Variants in LARP4B observed in about 807,000 individuals in gnomAD.
LARP4B encodes la-related protein 4B.
LARP4B carries 12 observed loss-of-function variants against 89.8 expected under a neutral mutation model. The observed-to-expected ratio is 0.13, with a 90% CI of 0.09 to 0.22. The LOEUF (loss-of-function observed/expected upper bound fraction) is 0.22. LARP4B is among the 10% of genes least tolerant of loss of function. The pLI is 1.00. For missense variants in LARP4B, 757 were observed against 947.7 expected, an observed-to-expected ratio of 0.80 and a Z score of 2.64; for synonymous variants, 367 against 363.3, an observed-to-expected ratio of 1.01 and a Z score of -0.12.
chr10:855,685 T>A (rs188965127), intron 5 of LARP4B, among the ~76,000 whole-genome samples: 2 of 152,222 alleles, frequency 1.3e-5, no homozygotes, highest in Admixed American at 1.3e-4. Context: ...ATTATGAAAA[T>A]GTGACACAGA....
At chr10:849,020 C>T (rs1008253590) in intron 5 of LARP4B, among the ~76,000 whole-genome samples, 8 of 152,150 alleles carry the variant, frequency 5.3e-5, no homozygotes, top group South Asian at 2.1e-4. Context: ...ACGAGAGAAA[C>T]GGCGGCAGAC....
intron 1 of LARP4B, among the ~76,000 whole-genome samples, chr10:902,608 T>C (rs1355096577): frequency 6.6e-6 from 1 of 152,128 alleles, no homozygotes; most frequent in East Asian, 1.9e-4. Flanking sequence ...TCACTTCATT[T>C]AACCTCAAGT....
upstream of LARP4B, among the ~76,000 whole-genome samples, chr10:933,450 C>A (rs968165477): frequency 6.6e-6 from 1 of 152,116 alleles, no homozygotes; most frequent in East Asian, 1.9e-4. Context: ...GCTGACAATT[C>A]TGCATTTTGG....
At chr10:825,000 T>C (rs1832548040) in intron 13 of LARP4B, 65 bp downstream of exon 13, 3 of 1,426,622 alleles carry the variant, frequency 2.1e-6, no homozygotes, top group South Asian at 1.5e-5. Context: ...ACAAAACATA[T>C]CTAAATTAAA....
chr10:900,664 G>A (rs1303043350), intron 1 of LARP4B, among the ~76,000 whole-genome samples: 1 of 143,710 alleles, frequency 7.0e-6, no homozygotes, highest in African/African-American at 2.6e-5. Context: ...CTGTTGCCCA[G>A]GCTGGAGTGC....
the LARP4B span, among the ~76,000 whole-genome samples, chr10:949,037 C>T: frequency 6.6e-6 from 1 of 152,214 alleles, no homozygotes; most frequent in Non-Finnish European, 1.5e-5. Context: ...TTGCCAGGTC[C>T]GACAGTGGTT....
At chr10:913,235 G>T (rs1239683441) in intron 1 of LARP4B, among the ~76,000 whole-genome samples, 2 of 152,150 alleles carry the variant, frequency 1.3e-5, no homozygotes, top group African/African-American at 4.8e-5. Flanking sequence ...TCTAAAGGAG[G>T]GGGGGAATTA....
rs936035798 is a variant in LARP4B, at chr10:814,937, A to C, written c.1820+9T>G. ...AACACCAAGGCGCTGGAAGAACACC[A>C]ATACTCACTCGGGTAAATGAGCTGG... On this transcript the variant is annotated intron_variant, in intron 16 of 17. Transcript: ENST00000316157. This position sits in a 1 kb window ranked among gnomAD's most constrained non-coding sequence, Gnocchi z 4.4. 19 of 1,587,174 alleles carry C rather than the reference A, an allele frequency of 1.2e-5. No individual in the cohort carries two copies. The highest frequency in any genetic ancestry group is 1.6e-5 in the Non-Finnish European group (19 of 1,163,362).
the LARP4B span, among the ~76,000 whole-genome samples, chr10:963,936 C>A: frequency 1.3e-5 from 2 of 152,140 alleles, no homozygotes; most frequent in African/African-American, 4.8e-5. Flanking sequence ...AAGTTTCCAA[C>A]ATGTATTTTT....
chr10:847,350 G>C (rs1469654479), intron 5 of LARP4B, among the ~76,000 whole-genome samples: 1 of 152,046 alleles, frequency 6.6e-6, no homozygotes, highest in Non-Finnish European at 1.5e-5. Flanking sequence ...TGGGCACATG[G>C]TGTTGGTAAG....
At chr10:842,144 T>C (rs1833549706) in intron 7 of LARP4B, among the ~76,000 whole-genome samples, 1 of 152,152 alleles carries the variant, frequency 6.6e-6, no homozygotes, top group Non-Finnish European at 1.5e-5. Context: ...CACTTAATGC[T>C]TAAACACTGT....
chr10:904,293 C>T (rs1836426776), intron 1 of LARP4B, among the ~76,000 whole-genome samples: 3 of 152,182 alleles, frequency 2.0e-5, no homozygotes, highest in Admixed American at 6.5e-5. Flanking sequence ...GTGGCTCACA[C>T]CTGTAATCCC....
At position 818,961 on chromosome 10, in the gene LARP4B, T is replaced by C. The variant is rs185869515; in HGVS notation, c.1531-1072A>G. The C allele has an allele frequency of 2.6e-5, 4 of 152,348 alleles. No individual in the cohort carries two copies. The East Asian group carries it at 7.7e-4, about 29-fold the overall frequency. The allele number at this position is 152,348 out of a possible 1,614,324, so 9.4% of individuals were successfully genotyped here. On this transcript the variant is annotated intron_variant, in intron 14 of 17. Coordinates refer to ENST00000316157, the MANE Select transcript of LARP4B (RefSeq NM_015155.3). ...CAGGCTGACACAAACCCCAGTCCAG[T>C]CTGTGTTGGGCATTCCGCTTGCTTC... is the stretch of plus-strand genomic sequence containing the variant.
intron 1 of LARP4B, among the ~76,000 whole-genome samples, chr10:898,488 A>C (rs1297462524): frequency 6.6e-6 from 1 of 152,224 alleles, no homozygotes; most frequent in Non-Finnish European, 1.5e-5. Context: ...AAACAACCCA[A>C]ATAATAAACT....
intron 5 of LARP4B, among the ~76,000 whole-genome samples, chr10:852,151 T>C (rs779671515): frequency 3.3e-5 from 5 of 152,120 alleles, no homozygotes; most frequent in Admixed American, 6.5e-5. Context: ...CACTTCCTCA[T>C]ATGAGGGTGA....
intron 1 of LARP4B, among the ~76,000 whole-genome samples, chr10:906,924 C>A (rs1836508041): frequency 6.6e-6 from 1 of 152,200 alleles, no homozygotes; most frequent in South Asian, 2.1e-4. Flanking sequence ...TTCTTCCCAC[C>A]TCCCCAAACT....
intron 1 of LARP4B, among the ~76,000 whole-genome samples, chr10:929,905 C>G (rs1837253026): frequency 2.0e-5 from 3 of 152,010 alleles, no homozygotes; most frequent in Admixed American, 2.0e-4. Flanking sequence ...AATCTGATGC[C>G]TTTCGGAACG....
chr10:921,221 C>T (rs1419550117), intron 1 of LARP4B, among the ~76,000 whole-genome samples: 2 of 151,286 alleles, frequency 1.3e-5, no homozygotes, highest in South Asian at 2.1e-4. Flanking sequence ...TGCAGTGAGC[C>T]GAGATCGCAC....
chr10:980,345 C>T, the LARP4B span, among the ~76,000 whole-genome samples: 3 of 152,238 alleles, frequency 2.0e-5, no homozygotes, highest in African/African-American at 7.2e-5. Context: ...CTCCACTAGG[C>T]AGTGCCCCAG....
Sources: allele counts gnomAD v4.1 joint callset (sites outside exome capture counted in the v4.1 genomes callset), GRCh38; gene constraint gnomAD v4.1.1; non-coding constraint Gnocchi (gnomAD v3.1); transcripts MANE v1.5; gene names NCBI Gene and HGNC (gene_info 2026-07-23, HGNC 2026-07-21).